ULK4: variants seen among roughly 807,000 people sequenced by gnomAD.
ULK4 encodes the protein unc-51 like kinase 4.
A neutral mutation model predicts 160.6 loss-of-function variants in ULK4; 133 were observed. The ratio of observed to expected loss-of-function variants is 0.83; its 90% CI spans 0.72 to 0.96. The LOEUF (loss-of-function observed/expected upper bound fraction) is 0.96. Ranked by LOEUF, ULK4 falls within the 40% of genes least tolerant of loss-of-function variation. ULK4 has a pLI of 0.00. For synonymous variants in ULK4, 534 were observed against 539.8 expected (o/e 0.99, Z 0.15); for missense variants, 1,580 against 1,499.5 (o/e 1.05, Z -0.89).
chr3:41,856,537 G>GTATATATATATGTGTATATATATACACA lies in ULK4; in HGVS notation c.1657-20594_1657-20567dup, dbSNP rs1431388652. Among the ~76,000 whole-genome samples the GTATATATATATGTGTATATATATACACA allele has an allele frequency of 4.6e-3, 408 of 87,794 alleles. 52 individuals carry two copies. The highest frequency in any genetic ancestry group is 8.0e-3 in the Non-Finnish European group (323 of 40,420). 57.6% of individuals were successfully genotyped at this position (87,794 alleles called of 152,430 possible). A position where few individuals can be genotyped will look rare whatever the true frequency, so the allele number is the denominator to read the frequency against. ...AATATATATATATATATATATGTAT[G>GTATATATATATGTGTATATATATACACA]TATATATATATGTGTATATATATAC... is the stretch of plus-strand genomic sequence containing the variant. On this transcript the variant is annotated intron_variant, in intron 17 of 36. Transcript: ENST00000301831.
chr3:41,855,554 A>G (rs6763829), intron 17 of ULK4, among the ~76,000 whole-genome samples: 48,241 of 152,108 alleles, frequency 0.32, 11,309 homozygotes, highest in African/African-American at 0.67. Flanking sequence ...TCCTTTAGAT[A>G]CCGTAATAAC....
At chr3:41,633,002 A>G (rs2033809571) in intron 30 of ULK4, among the ~76,000 whole-genome samples, 1 of 152,206 alleles carries the variant, frequency 6.6e-6, no homozygotes, top group Non-Finnish European at 1.5e-5. Flanking sequence ...CAAAGGGAAT[A>G]GCATGACAGC....
chr3:41,305,827 C>G (rs2079906127), intron 35 of ULK4, among the ~76,000 whole-genome samples: 1 of 149,510 alleles, frequency 6.7e-6, no homozygotes, highest in Non-Finnish European at 1.5e-5. Flanking sequence ...GCGTCTCTGC[C>G]CGGCCGCCCA....
At chr3:41,492,279 T>C (rs1395526456) in intron 32 of ULK4, among the ~76,000 whole-genome samples, 2 of 152,196 alleles carry the variant, frequency 1.3e-5, no homozygotes, top group Non-Finnish European at 2.9e-5. Context: ...ATGGTATCTC[T>C]AGTTCTAGAT....
At chr3:41,909,827 A>G (rs1000042049) in intron 11 of ULK4, among the ~76,000 whole-genome samples, 1 of 152,220 alleles carries the variant, frequency 6.6e-6, no homozygotes, top group Non-Finnish European at 1.5e-5. Context: ...CATTATAACC[A>G]CTATTTCATG....
At chr3:41,496,748 C>G (rs1475306708) in intron 32 of ULK4, among the ~76,000 whole-genome samples, 5 of 152,120 alleles carry the variant, frequency 3.3e-5, no homozygotes, top group Non-Finnish European at 5.9e-5. Context: ...ATCTGGCAGT[C>G]AAGGAGTTCC....
chr3:41,388,368 C>G (rs1190200820), intron 35 of ULK4, among the ~76,000 whole-genome samples: 5 of 151,974 alleles, frequency 3.3e-5, no homozygotes, highest in Admixed American at 1.3e-4. Flanking sequence ...TGCAGAAGCT[C>G]TTTAGTTTAA....
At chr3:41,762,332 C>T (rs530318832) in intron 21 of ULK4, among the ~76,000 whole-genome samples, 107 of 152,098 alleles carry the variant, frequency 7.0e-4, no homozygotes, top group African/African-American at 2.4e-3. Flanking sequence ...TCTTTATTTC[C>T]ATGAGTTCAA....
chr3:41,615,007 G>A (rs2032891061), intron 31 of ULK4, among the ~76,000 whole-genome samples: 1 of 152,090 alleles, frequency 6.6e-6, no homozygotes, highest in African/African-American at 2.4e-5. Context: ...TTGGCAATGG[G>A]CACTTGCTTG....
At chr3:41,856,537 GTA>G (rs199794363) in intron 17 of ULK4, among the ~76,000 whole-genome samples, 2,240 of 87,768 alleles carry the variant, frequency 0.026, 92 homozygotes, top group African/African-American at 0.072. Context: ...ATATATGTAT[GTA>G]TATATATATG....
intron 11 of ULK4, 60 bp from the exon 12 acceptor site, chr3:41,908,001 G>T: frequency 3.1e-6 from 4 of 1,277,622 alleles, no homozygotes; most frequent in Non-Finnish European, 4.3e-6. Context: ...TCTGTTTACT[G>T]TTTTCTGGAA....
At chr3:41,706,700 C>G (rs58540200) in intron 25 of ULK4, among the ~76,000 whole-genome samples, 3 of 150,834 alleles carry the variant, frequency 2.0e-5, no homozygotes, top group African/African-American at 7.3e-5. Context: ...TGGTGGCACA[C>G]GCCTGTAATC....
intron 30 of ULK4, among the ~76,000 whole-genome samples, chr3:41,639,506 T>G (rs1214100357): frequency 1.3e-5 from 2 of 152,162 alleles, no homozygotes; most frequent in African/African-American, 4.8e-5. Flanking sequence ...GTCAGGCAGA[T>G]CACCTGAGGT....
intron 31 of ULK4, among the ~76,000 whole-genome samples, chr3:41,591,597 G>A (rs1326262466): frequency 6.6e-6 from 1 of 152,152 alleles, no homozygotes; most frequent in Non-Finnish European, 1.5e-5. Flanking sequence ...GGTTAGACAA[G>A]CTGGATTTAG....
At chr3:41,745,903 T>C (rs1037313022) in intron 22 of ULK4, among the ~76,000 whole-genome samples, 1 of 151,398 alleles carries the variant, frequency 6.6e-6, no homozygotes, top group African/African-American at 2.4e-5. Context: ...GTTATATTAA[T>C]TGATAGAGAA....
chr3:41,807,080 A>G (rs1294388169), intron 19 of ULK4, among the ~76,000 whole-genome samples: 1 of 151,998 alleles, frequency 6.6e-6, no homozygotes, highest in East Asian at 1.9e-4. Context: ...GTGAGCCGAG[A>G]TTGTGCCACT....
intron 32 of ULK4, among the ~76,000 whole-genome samples, chr3:41,472,805 C>A (rs1421982202): frequency 6.6e-6 from 1 of 152,008 alleles, no homozygotes; most frequent in Non-Finnish European, 1.5e-5. Context: ...CAAAGCCAGA[C>A]AAGGATATCA....
chr3:41,547,297 C>G (rs1385809183), intron 32 of ULK4, among the ~76,000 whole-genome samples: 1 of 151,986 alleles, frequency 6.6e-6, no homozygotes, highest in African/African-American at 2.4e-5. Flanking sequence ...AAGGAAGGAC[C>G]AAAACAGTAA....
At chr3:41,824,083 A>C (rs1386530371) in intron 18 of ULK4, among the ~76,000 whole-genome samples, 1 of 147,040 alleles carries the variant, frequency 6.8e-6, no homozygotes, top group Non-Finnish European at 1.5e-5. Context: ...GAATTGCTTG[A>C]ATCCAGGAGG....
Sources: gnomAD v4.1 joint callset for allele counts (sites outside exome capture counted in the v4.1 genomes callset) on GRCh38, gnomAD v4.1.1 for gene constraint, MANE v1.5 for transcripts, NCBI Gene and HGNC (gene_info 2026-07-23, HGNC 2026-07-21) for gene names.